FBN3: variants seen among roughly 807,000 people sequenced by gnomAD.
The protein encoded by FBN3 is fibrillin 3.
A neutral mutation model predicts 330.1 loss-of-function variants in FBN3; 234 were observed. The ratio of observed to expected loss-of-function variants is 0.71; its 90% confidence interval spans 0.64 to 0.79. The LOEUF is 0.79. FBN3 is among the 30% of genes least tolerant of loss of function. The probability of loss-of-function intolerance (pLI) is 0.00; values close to 1 mark genes in which losing one functional copy is unlikely to be tolerated. For missense variants in FBN3, 3,606 were observed against 3,886.9 expected (o/e 0.93, Z 1.92); for synonymous variants, 1,458 against 1,517.3 (o/e 0.96, Z 0.91).
At position 8,085,483 on chromosome 19, in the gene FBN3, C is replaced by G; in HGVS notation, c.6967G>C (p.Glu2323Gln). 1 of 1,590,032 alleles carries G rather than the reference C, an allele frequency of 6.3e-7. No homozygotes were observed. Among genetic ancestry groups the G allele is most frequent in the Non-Finnish European group, 8.6e-7 (1 of 1,168,934 alleles). ...SSSSEAVTRA[E>Q]CCCGGGRGWG... is the part of the protein sequence containing the mutation. ...CCCCGGCCACCCCCACAGCAGCACT[C>G]GGCCCTGGTGACAGCCTCACTGCTG... Residue 2323 changes from glutamate to glutamine, a missense_variant, in exon 56 of 64, where the codon GAG (glutamate) becomes CAG (glutamine). Coordinates refer to ENST00000600128, the MANE Select transcript of FBN3 (RefSeq NM_032447.5).
chr19:8,094,502 C>G lies in FBN3; in HGVS notation c.5849G>C (p.Gly1950Ala). 1.9e-6 allele frequency: 3 copies of G among 1,613,824 alleles called. No individual in the cohort carries two copies. The highest frequency in any genetic ancestry group is 2.5e-6 in the Non-Finnish European group (3 of 1,179,868). ...AGGGGGACAGATGCAGCGGAAGGAG[C>G]CCTCGAGGTTCTGGCAAGTGCCGGG... The part of the protein sequence containing the change: ...CLPGTCQNLE[G>A]SFRCICPPGF... Residue 1950 changes from glycine to alanine, a missense_variant, in exon 47 of 64, where the codon GGC becomes GCC. Gly to Ala is a moderately conservative substitution (Grantham distance 60, BLOSUM62 0). Transcript: ENST00000600128.
intron 62 of FBN3, 24 bp from the exon 63 acceptor site, chr19:8,072,222 A>G: frequency 6.7e-7 from 1 of 1,497,280 alleles, no homozygotes; most frequent in Non-Finnish European, 8.9e-7. Context: ...GGCAGGGTGG[A>G]GGGGTTTCAG....
intron 18 of FBN3, among the ~76,000 whole-genome samples, chr19:8,128,743 G>A (rs2083053185): frequency 6.6e-6 from 1 of 152,146 alleles, no homozygotes; most frequent in African/African-American, 2.4e-5. Flanking sequence ...GTGTCTGGGT[G>A]TATGTATGCA....
chr19:8,108,889 T>TTGATTTAAG (rs2082510435), intron 36 of FBN3, among the ~76,000 whole-genome samples: 1 of 151,896 alleles, frequency 6.6e-6, no homozygotes, highest in Non-Finnish European at 1.5e-5. Flanking sequence ...GATTTAAGGG[T>TTGATTTAAG]GAGGGAGAAG....
chr19:8,093,413 G>A (rs2082141045), intron 47 of FBN3, among the ~76,000 whole-genome samples: 1 of 152,134 alleles, frequency 6.6e-6, no homozygotes, highest in Non-Finnish European at 1.5e-5. Context: ...CACGAGGTCA[G>A]GAGATCGAGA....
At chr19:8,127,139 C>A (rs2083014422) in intron 18 of FBN3, among the ~76,000 whole-genome samples, 1 of 148,016 alleles carries the variant, frequency 6.8e-6, no homozygotes, top group African/African-American at 2.5e-5. Flanking sequence ...CTCACTGCAA[C>A]CTCCGTCTCC....
chr19:8,087,482 C>T (rs1390567781), intron 53 of FBN3, among the ~76,000 whole-genome samples: 2 of 152,152 alleles, frequency 1.3e-5, no homozygotes, highest in Non-Finnish European at 2.9e-5. Flanking sequence ...AACACTGACC[C>T]TGAAACAGCC....
At chr19:8,089,737 T>G in intron 50 of FBN3, 67 bp from the exon 51 acceptor site, 1 of 1,596,074 alleles carries the variant, frequency 6.3e-7, no homozygotes, top group Non-Finnish European at 8.5e-7. Flanking sequence ...CTGGCCACAC[T>G]CAAGGCCCCA....
At position 8,121,118 on chromosome 19, in the gene FBN3, A is replaced by T. The variant is rs1599389666; in HGVS notation, c.3211+140T>A. The T allele has an allele frequency of 1.2e-6, 1 of 807,678 alleles. No homozygotes were observed. Among genetic ancestry groups the T allele is most frequent in the Non-Finnish European group, 1.9e-6 (1 of 513,432 alleles). The allele number at this position is 807,678 out of a possible 1,614,324, so 50.0% of individuals were successfully genotyped here. A position where few individuals can be genotyped will look rare whatever the true frequency, so the allele number is the denominator to read the frequency against. On this transcript the variant is annotated intron_variant, in intron 25 of 63. Transcript: ENST00000600128. This position sits in a 1 kb window ranked among gnomAD's most constrained non-coding sequence, Gnocchi z 4.5. ...GCCTCATGGAGCCCAGACTCACTGT[A>T]CCTCAGCTAATTTACAGCTCCTCCC...
In FBN3 at chr19:8,126,477, A is replaced by C. The variant is rs370589967; in HGVS notation, c.2545T>G (p.Cys849Gly). Reference protein sequence around the residue: ...GAAWGSPCERCEIDPACARGF... With the variant: ...GAAWGSPCERGEIDPACARGF... ...TCAAGGAGGATACTACCGATCTCGCAGCGTTCGCAGGGGCTCCCCCAGGCT... is the reference window on the plus strand; with the variant it reads ...TCAAGGAGGATACTACCGATCTCGCCGCGTTCGCAGGGGCTCCCCCAGGCT... Residue 849 changes from cysteine to glycine, a missense_variant, in exon 20 of 64, where the codon TGC (cysteine) becomes GGC (glycine). Cys to Gly is a radical substitution (Grantham distance 159). Transcript: ENST00000600128. The C allele has an allele frequency of 2.5e-6, 4 of 1,612,498 alleles. No homozygotes were observed. The highest frequency in any genetic ancestry group is 1.7e-6 in the Non-Finnish European group (2 of 1,179,464).
Position 8,078,791 on chromosome 19 carries a change from CT to C in FBN3, c.7453+2211del, listed in dbSNP as rs1555725584. 1.5e-3 allele frequency among the ~76,000 whole-genome samples: 211 copies of C among 141,250 alleles called. 1 individual carries two copies. Among genetic ancestry groups the C allele is most frequent in the East Asian group, 0.014 (70 of 4,886 alleles). 92.7% of individuals were successfully genotyped at this position (141,250 alleles called of 152,430 possible). On this transcript the variant is annotated intron_variant, in intron 59 of 63. Coordinates refer to ENST00000600128, the MANE Select transcript of FBN3 (RefSeq NM_032447.5). ...TTGTTCAAATGTTCTCTCTCTCTCT[CT>C]TTTTTTTTTTTTTGAGTCTTGCTCT...
In FBN3 at chr19:8,138,502, C is replaced by A. The variant is rs778441811; in HGVS notation, c.928G>T (p.Gly310Cys). Residue 310 changes from glycine (G) to cysteine (C), a missense_variant, in exon 9 of 64, where the codon GGC becomes TGC. Transcript: ENST00000600128. ...FGGRCAGDLA[G>C]HYTRRQCCCD... The stretch of plus-strand genomic sequence containing the variant: ...CAGCACTGCCTGCGAGTGTAGTGGC[C>A]GGCGAGGTCTCCAGCACAGCGGCCC... 3.7e-6 allele frequency: 6 copies of A among 1,612,782 alleles called. No individual in the cohort carries two copies. The highest frequency in any genetic ancestry group is 1.3e-5 in the African/African-American group (1 of 74,906).
chr19:8,146,198 C>T lies in FBN3; in HGVS notation c.278G>A (p.Gly93Asp), dbSNP rs964885131. 4 of 1,600,478 alleles carry T rather than the reference C, an allele frequency of 2.5e-6. No individual in the cohort carries two copies. The highest frequency in any genetic ancestry group is 3.4e-6 in the Non-Finnish European group (4 of 1,174,966). ...VPICRRACGE[G>D]FCSQPNLCTC... ...GCACAGGTTGGGCTGGGAGCAGAAG[C>T]CTTCACCGCAGGCGCGCCTACAGAT... Residue 93 changes from glycine to aspartate, a missense_variant, in exon 4 of 64, where the codon GGC (glycine) becomes GAC (aspartate). Physicochemically the swap from Gly to Asp is moderately conservative, Grantham distance 94. Transcript: ENST00000600128.
chr19:8,135,936 G>GTGCCC, intron 13 of FBN3, 25 bp downstream of exon 13: 7 of 668,772 alleles, frequency 1.0e-5, no homozygotes, highest in South Asian at 6.5e-5. Flanking sequence ...GGAAGCCCCT[G>GTGCCC]CCCACCCGCC....
At chr19:8,116,554 G>A (rs562563408) in intron 29 of FBN3, 120 bp downstream of exon 29, 112 of 1,053,578 alleles carry the variant, frequency 1.1e-4, no homozygotes, top group African/African-American at 8.6e-4. Context: ...TCCTACCTGC[G>A]AATGGCAGGG....
rs773980084 is a variant in FBN3, at chr19:8,109,740, A to G, written c.4347T>C (p.Cys1449=). The G allele has an allele frequency of 1.3e-6, 2 of 1,522,542 alleles. No homozygotes were observed. Among genetic ancestry groups the G allele is most frequent in the South Asian group, 2.6e-5 (2 of 75,820 alleles). The allele number at this position is 1,522,542 out of a possible 1,614,324, so 94.3% of individuals were successfully genotyped here. A position where few individuals can be genotyped will look rare whatever the true frequency, so the allele number is the denominator to read the frequency against. The change falls in exon 35 of 64, where the codon TGT becomes TGC. Residue 1449 remains cysteine, a synonymous_variant. Coordinates refer to ENST00000600128, the MANE Select transcript of FBN3 (RefSeq NM_032447.5). The surrounding 1 kb of genome is among the most constrained non-coding windows in gnomAD (Gnocchi z 5.2). Reference sequence around the variant, plus strand: ...CGTTGATGCAGTTTACTGGGTCTGCACACTCGTTGATGTCTGTAGGGAGGA... The same window carrying G: ...CGTTGATGCAGTTTACTGGGTCTGCGCACTCGTTGATGTCTGTAGGGAGGA... The part of the protein sequence containing the change: ...GGGNCTDINE[C]ADPVNCINGV...
At chr19:8,134,802 C>T (rs62123269) in intron 13 of FBN3, among the ~76,000 whole-genome samples, 12,048 of 151,414 alleles carry the variant, frequency 0.08, 661 homozygotes, top group Non-Finnish European at 0.11. Context: ...GGCACAGTGG[C>T]GCACACCTGT....
At chr19:8,093,740 G>C (rs1382290937) in intron 47 of FBN3, among the ~76,000 whole-genome samples, 1 of 152,140 alleles carries the variant, frequency 6.6e-6, no homozygotes, top group Non-Finnish European at 1.5e-5. Context: ...TGAGCTGAGA[G>C]TGAGACTCCT....
intron 13 of FBN3, 25 bp downstream of exon 13, chr19:8,135,936 G>GTGCACCCCCCCC: frequency 1.5e-6 from 1 of 668,778 alleles, no homozygotes; most frequent in Non-Finnish European, 2.4e-6. Flanking sequence ...GGAAGCCCCT[G>GTGCACCCCCCCC]CCCACCCGCC....
Sources: allele counts gnomAD v4.1 joint callset (sites outside exome capture counted in the v4.1 genomes callset), GRCh38; gene constraint gnomAD v4.1.1; non-coding constraint Gnocchi (gnomAD v3.1); transcripts MANE v1.5; gene names NCBI Gene and HGNC (gene_info 2026-07-23, HGNC 2026-07-21).